Variants in GRTP1 observed in about 807,000 individuals in gnomAD.
GRTP1 encodes growth hormone-regulated TBC protein 1.
Under a neutral mutation model 38.1 loss-of-function variants are expected in GRTP1, and 56 were observed. The observed-to-expected ratio is 1.47, with a 90% CI of 1.19 to 1.84. The LOEUF is 1.84. Ranked by LOEUF, GRTP1 falls within the 40% of genes most tolerant of loss-of-function variation. GRTP1 has a pLI of 0.00. For missense variants in GRTP1, 506 were observed against 453.9 expected (o/e 1.11, Z -1.04); for synonymous variants, 217 against 189.5 (o/e 1.14, Z -1.19).
rs184779610 is a variant in GRTP1 at position 113,336,432 on chromosome 13, G to C, written c.562+8431C>G. 3.3e-5 allele frequency among the ~76,000 whole-genome samples: 5 copies of C among 151,964 alleles called. No homozygotes were observed. In the East Asian group the frequency reaches 5.8e-4, roughly 18 times the overall value. ...CCTCCTCTGAAAGCAAAGTGCCCTC[G>C]GTGTGCCGAGCACTAGGAAAGGCCA... On this transcript the variant is annotated intron_variant, in intron 5 of 7. Coordinates refer to ENST00000375431, the MANE Select transcript of GRTP1 (RefSeq NM_024719.4).
intron 4 of GRTP1, among the ~76,000 whole-genome samples, chr13:113,346,489 T>TCTGTG (rs1566430307): frequency 1.7e-3 from 11 of 6,446 alleles, no homozygotes; most frequent in African/African-American, 1.9e-3. Context: ...CCTCTGTGCC[T>TCTGTG]GACAGTGGAC....
At chr13:113,330,433 C>T (rs1227782025) in intron 5 of GRTP1, among the ~76,000 whole-genome samples, 1 of 135,834 alleles carries the variant, frequency 7.4e-6, no homozygotes, top group Non-Finnish European at 1.6e-5. Flanking sequence ...CATGGGAGCC[C>T]GGGTGTGTGC....
chr13:113,326,781 C>A (rs980458076), intron 5 of GRTP1, among the ~76,000 whole-genome samples: 1 of 152,160 alleles, frequency 6.6e-6, no homozygotes, highest in Non-Finnish European at 1.5e-5. Context: ...ATGGAGGCAA[C>A]CCACGTGTCC....
chr13:113,325,624 C>T (rs374241701), intron 7 of GRTP1, 37 bp downstream of exon 7: 1 of 1,613,394 alleles, frequency 6.2e-7, no homozygotes, highest in Non-Finnish European at 8.5e-7. Context: ...GGCGGGGCCC[C>T]CTGGGAGGGG....
At chr13:113,328,321 G>A (rs1333392154) in intron 5 of GRTP1, among the ~76,000 whole-genome samples, 1 of 152,204 alleles carries the variant, frequency 6.6e-6, no homozygotes, top group Non-Finnish European at 1.5e-5. Context: ...AGGGTCTGCG[G>A]TCAGACGTGG....
rs2043296425 is a variant in GRTP1, at chr13:113,352,337, T to TTATATATATATTTATATATATTATATA, written c.341-1365_341-1364insTATATAATATATATAAATATATATATA. On this transcript the variant is annotated intron_variant, in intron 3 of 7. Transcript: ENST00000375431. The stretch of plus-strand genomic sequence containing the variant: ...TTTTATATATATTTTTATATATATT[T>TTATATATATATTTATATATATTATATA]TATATATATATTTATATATATTTTA... Among the ~76,000 whole-genome samples the TTATATATATATTTATATATATTATATA allele has an allele frequency of 1.7e-4, 9 of 51,560 alleles. 1 individual carries two copies. The highest frequency in any genetic ancestry group is 6.5e-4 in the African/African-American group (9 of 13,762). 33.8% of individuals were successfully genotyped at this position (51,560 alleles called of 152,430 possible). A position where few individuals can be genotyped will look rare whatever the true frequency, so the allele number is the denominator to read the frequency against.
In GRTP1 at chr13:113,342,616, C is replaced by T. The variant is rs7989128; in HGVS notation, c.562+2247G>A. Reference sequence around the variant, plus strand: ...GAGCAGGATAACAGTGGCACTGAAACGACCTAGTTTGGGTAACTATAACTT... The same window carrying T: ...GAGCAGGATAACAGTGGCACTGAAATGACCTAGTTTGGGTAACTATAACTT... On this transcript the variant is annotated intron_variant, in intron 5 of 7. Coordinates refer to ENST00000375431, the MANE Select transcript of GRTP1 (RefSeq NM_024719.4). The surrounding 1 kb of genome is among the most constrained non-coding windows in gnomAD (Gnocchi z 4.5). 0.75 allele frequency among the ~76,000 whole-genome samples: 112,800 copies of T among 151,068 alleles called. 44,216 individuals are homozygous for T. The highest frequency in any genetic ancestry group is 0.87 in the Non-Finnish European group (59,236 of 67,966).
chr13:113,340,648 C>T (rs948228436), intron 5 of GRTP1, among the ~76,000 whole-genome samples: 9 of 151,574 alleles, frequency 5.9e-5, no homozygotes, highest in Non-Finnish European at 1.2e-4. Context: ...GGCGTGGTGG[C>T]GGGCGCCTGT....
Position 113,342,451 on chromosome 13 carries a change from T to C in GRTP1, c.562+2412A>G, listed in dbSNP as rs2139443270. On this transcript the variant is annotated intron_variant, in intron 5 of 7. Transcript: ENST00000375431. This position sits in a 1 kb window ranked among gnomAD's most constrained non-coding sequence, Gnocchi z 4.5. ...TGAACCTGGGAGGCGGAGCTTGCAG[T>C]GAGCCATTGTGCCACTGCACTCCAG... Among the ~76,000 whole-genome samples, 1 of 151,730 alleles carries C rather than the reference T, an allele frequency of 6.6e-6. No individual in the cohort carries two copies. The highest frequency in any genetic ancestry group is 1.5e-5 in the Non-Finnish European group (1 of 67,938).
intron 5 of GRTP1, among the ~76,000 whole-genome samples, chr13:113,336,105 T>C (rs1234249699): frequency 6.6e-6 from 1 of 152,102 alleles, no homozygotes; most frequent in Non-Finnish European, 1.5e-5. Context: ...ATCTCATTCT[T>C]TCTAAGGCTG....
chr13:113,347,352 A>G (rs61966625), intron 4 of GRTP1, among the ~76,000 whole-genome samples: 3,752 of 12,236 alleles, frequency 0.31, 5 homozygotes, highest in East Asian at 0.41. Flanking sequence ...CTCTGTGGCC[A>G]AGAACAGATC....
chr13:113,347,856 A>G (rs113899759), intron 4 of GRTP1, among the ~76,000 whole-genome samples: 1,992 of 61,278 alleles, frequency 0.033, 1 homozygote, highest in East Asian at 0.2. Context: ...CTCTGTGGCC[A>G]AGAACAGATC....
intron 5 of GRTP1, among the ~76,000 whole-genome samples, chr13:113,341,171 C>T (rs760548108): frequency 1.3e-4 from 20 of 151,956 alleles, no homozygotes; most frequent in Admixed American, 2.6e-4. Context: ...CTGCACCATA[C>T]GCTTGAAATG....
intron 5 of GRTP1, among the ~76,000 whole-genome samples, chr13:113,341,024 T>C (rs1566424420): frequency 6.6e-6 from 1 of 151,944 alleles, no homozygotes; most frequent in South Asian, 2.1e-4. Flanking sequence ...CAGCACCTTT[T>C]CATTTCTACT....
chr13:113,341,709 C>T (rs1407630109), intron 5 of GRTP1, among the ~76,000 whole-genome samples: 1 of 152,128 alleles, frequency 6.6e-6, no homozygotes, highest in South Asian at 2.1e-4. Context: ...ATGTTTATAT[C>T]GGTCTATAAA....
At position 113,364,002 on chromosome 13, in the gene GRTP1, G is replaced by T. The variant is rs753203124; in HGVS notation, c.32+18C>A. ...GGGACCGCAGCCGCCGGGGACGCCC[G>T]CACCCCGCGCCACACACCTGGGGAC... On this transcript the variant is annotated intron_variant, in intron 1 of 7. Transcript: ENST00000375431. 1.4e-6 allele frequency: 2 copies of T among 1,470,678 alleles called. No homozygotes were observed. The highest frequency in any genetic ancestry group is 1.8e-6 in the Non-Finnish European group (2 of 1,114,478). The allele number at this position is 1,470,678 out of a possible 1,614,324, so 91.1% of individuals were successfully genotyped here. A position where few individuals can be genotyped will look rare whatever the true frequency, so the allele number is the denominator to read the frequency against.
intron 7 of GRTP1, 61 bp downstream of exon 7, chr13:113,325,600 C>CG: frequency 6.2e-7 from 1 of 1,612,060 alleles, no homozygotes; most frequent in African/African-American, 1.3e-5. Flanking sequence ...GAGCAGCCCC[C>CG]GGGCTGCAGG....
chr13:113,325,869 T>G (rs370763222), intron 6 of GRTP1, 23 bp from the exon 7 acceptor site: 1 of 1,613,394 alleles, frequency 6.2e-7, no homozygotes, highest in Non-Finnish European at 8.5e-7. Context: ...GGGAACCCGG[T>G]GTCACTCCCT....
At chr13:113,362,047 G>A (rs939758257) in intron 2 of GRTP1, among the ~76,000 whole-genome samples, 5 of 152,190 alleles carry the variant, frequency 3.3e-5, no homozygotes, top group Non-Finnish European at 7.3e-5. Flanking sequence ...TACTTGGGAG[G>A]CTGAGGCAGG....
Sources: allele counts gnomAD v4.1 joint callset (sites outside exome capture counted in the v4.1 genomes callset), GRCh38; gene constraint gnomAD v4.1.1; non-coding constraint Gnocchi (gnomAD v3.1); transcripts MANE v1.5; gene names NCBI Gene and HGNC (gene_info 2026-07-23, HGNC 2026-07-21).